MSRA: variants seen among roughly 807,000 people sequenced by gnomAD.
The protein encoded by MSRA is methionine sulfoxide reductase A, also known as mitochondrial peptide methionine sulfoxide reductase.
Under a neutral mutation model 31.3 loss-of-function variants are expected in MSRA, and 54 were observed. That is an observed-to-expected ratio of 1.73 (90% confidence interval 1.39 to 2.17). MSRA has a LOEUF of 2.17. Among genes scored for constraint, MSRA ranks in the 30% most tolerant of loss-of-function variants. The pLI is 0.00. For synonymous variants in MSRA, 169 were observed against 116.5 expected (o/e 1.45, Z -2.90); for missense variants, 507 against 300.9 (o/e 1.69, Z -5.07).
intron 1 of MSRA, among the ~76,000 whole-genome samples, chr8:10,193,283 C>G (rs534898390): frequency 6.6e-6 from 1 of 152,214 alleles, no homozygotes; most frequent in South Asian, 2.1e-4. Flanking sequence ...CCCCATTCAG[C>G]GCATGGCTTT....
rs1797467304 is a variant in MSRA at position 10,066,621 on chromosome 8, C to T, written c.142+11963C>T. 2.0e-5 allele frequency among the ~76,000 whole-genome samples: 3 copies of T among 152,158 alleles called. No individual in the cohort carries two copies. In the South Asian group the frequency reaches 6.2e-4, roughly 32 times the overall value. ...CGATCTCTGCTCACTGCAACCTCTG[C>T]CTCCCAGCTTCAAGTGATTGTTCTG... On this transcript the variant is annotated intron_variant, in intron 1 of 5. Transcript: ENST00000317173.
chr8:10,124,511 G>A (rs1801358182), intron 1 of MSRA, among the ~76,000 whole-genome samples: 1 of 152,174 alleles, frequency 6.6e-6, no homozygotes. Context: ...AATTCTAAAA[G>A]TGACTGGTGC....
chr8:10,253,750 G>T (rs865828100), intron 3 of MSRA, among the ~76,000 whole-genome samples: 6 of 151,820 alleles, frequency 4.0e-5, no homozygotes, highest in Non-Finnish European at 8.8e-5. Context: ...ACCTTATGGG[G>T]GTCAGGGGGT....
chr8:10,188,449 A>G (rs1807236301), intron 1 of MSRA, among the ~76,000 whole-genome samples: 1 of 152,216 alleles, frequency 6.6e-6, no homozygotes, highest in Admixed American at 6.5e-5. Flanking sequence ...GGATTTTGAG[A>G]AAGTATTTAG....
At chr8:10,161,873 C>G (rs982931220) in intron 1 of MSRA, among the ~76,000 whole-genome samples, 17 of 152,142 alleles carry the variant, frequency 1.1e-4, no homozygotes, top group Non-Finnish European at 4.4e-5. Flanking sequence ...CCATCTCTCC[C>G]CGCCTCTGAC....
chr8:10,087,816 G>C (rs1169309716), intron 1 of MSRA, among the ~76,000 whole-genome samples: 1 of 152,204 alleles, frequency 6.6e-6, no homozygotes, highest in Non-Finnish European at 1.5e-5. Flanking sequence ...TTCTAAGAGA[G>C]ACATTTTAAA....
intron 1 of MSRA, among the ~76,000 whole-genome samples, chr8:10,181,301 T>C (rs1358732605): frequency 2.6e-5 from 4 of 152,104 alleles, no homozygotes; most frequent in African/African-American, 7.2e-5. Context: ...AAGTGAAATA[T>C]CTGCAGGAGA....
At chr8:10,242,678 A>G (rs911707111) in intron 2 of MSRA, among the ~76,000 whole-genome samples, 11 of 152,210 alleles carry the variant, frequency 7.2e-5, no homozygotes, top group Non-Finnish European at 1.2e-4. Flanking sequence ...ATTGAAATTT[A>G]TGAGTAATTT....
chr8:10,269,199 GC>G (rs1296539984), intron 3 of MSRA, among the ~76,000 whole-genome samples: 3 of 152,202 alleles, frequency 2.0e-5, no homozygotes, highest in African/African-American at 7.2e-5. Context: ...AAACAATTGT[GC>G]TCCAACAATT....
At chr8:10,265,265 G>A (rs975371250) in intron 3 of MSRA, among the ~76,000 whole-genome samples, 9 of 152,156 alleles carry the variant, frequency 5.9e-5, no homozygotes, top group African/African-American at 1.9e-4. Flanking sequence ...AGAGGACACA[G>A]TCCAGCCTGG....
At chr8:10,401,319 G>C (rs1051329295) in intron 5 of MSRA, among the ~76,000 whole-genome samples, 1 of 152,134 alleles carries the variant, frequency 6.6e-6, no homozygotes, top group Non-Finnish European at 1.5e-5. Context: ...TCAGAATCAT[G>C]AGTCACTGAG....
At chr8:10,308,218 A>G (rs1302295310) in intron 4 of MSRA, among the ~76,000 whole-genome samples, 3 of 152,220 alleles carry the variant, frequency 2.0e-5, no homozygotes, top group Admixed American at 6.5e-5. Flanking sequence ...AGCTGAACCT[A>G]TGTCTTGACT....
chr8:10,154,783 A>C (rs1203660314), intron 1 of MSRA, among the ~76,000 whole-genome samples: 1 of 152,144 alleles, frequency 6.6e-6, no homozygotes, highest in Non-Finnish European at 1.5e-5. Flanking sequence ...CAATTGTATG[A>C]AGATCATTTA....
intron 1 of MSRA, among the ~76,000 whole-genome samples, chr8:10,118,735 G>A (rs1468962539): frequency 1.3e-5 from 2 of 152,086 alleles, no homozygotes; most frequent in African/African-American, 2.4e-5. Flanking sequence ...AACAGCTGGT[G>A]GACTTCTACA....
intron 1 of MSRA, among the ~76,000 whole-genome samples, chr8:10,147,133 T>A (rs1225848931): frequency 6.6e-6 from 1 of 152,000 alleles, no homozygotes; most frequent in Non-Finnish European, 1.5e-5. Context: ...CAGGGCCCGG[T>A]GCTGTCTGGA....
chr8:10,159,814 A>G (rs372883029), intron 1 of MSRA, among the ~76,000 whole-genome samples: 8 of 152,214 alleles, frequency 5.3e-5, no homozygotes, highest in African/African-American at 1.9e-4. Flanking sequence ...AGTGATAGAA[A>G]ACAATCTCTA....
chr8:10,322,244 A>G (rs373076350), intron 5 of MSRA, among the ~76,000 whole-genome samples: 1 of 6,016 alleles, frequency 1.7e-4, no homozygotes, highest in East Asian at 0.071. Context: ...CAGATGCTCA[A>G]AGAGAGAGCA....
chr8:10,260,455 C>T lies in MSRA; in HGVS notation c.331+15232C>T, dbSNP rs770682205. Among the ~76,000 whole-genome samples, 43 of 152,120 alleles carry T rather than the reference C, an allele frequency of 2.8e-4. 1 individual carries two copies. The highest frequency in any genetic ancestry group is 4.1e-4 in the Non-Finnish European group (28 of 68,016). ...GGGACAGAATACCCCACGACTCTAGCGGCACACGTACACAAGCGAGGCAGC... is the reference window on the plus strand; with the variant it reads ...GGGACAGAATACCCCACGACTCTAGTGGCACACGTACACAAGCGAGGCAGC... On this transcript the variant is annotated intron_variant, in intron 3 of 5. Transcript: ENST00000317173.
intron 3 of MSRA, among the ~76,000 whole-genome samples, chr8:10,299,415 A>G (rs759909749): frequency 1.3e-5 from 2 of 152,180 alleles, no homozygotes. Context: ...TGGTTTTACA[A>G]TCACATTATT....
Sources: allele counts gnomAD v4.1 joint callset (sites outside exome capture counted in the v4.1 genomes callset), GRCh38; gene constraint gnomAD v4.1.1; transcripts MANE v1.5; gene names NCBI Gene and HGNC (gene_info 2026-07-23, HGNC 2026-07-21).